PRKG1: variants seen among roughly 807,000 people sequenced by gnomAD.
PRKG1 encodes protein kinase cGMP-dependent 1.
In PRKG1, 35 loss-of-function variants were observed where a neutral mutation model predicts 88.1. The ratio of observed to expected loss-of-function variants is 0.40; its 90% CI spans 0.30 to 0.53. PRKG1 has a LOEUF of 0.53. Among genes scored for constraint, PRKG1 ranks in the 20% least tolerant of loss-of-function variants. The pLI is 0.59. For missense variants in PRKG1, 540 were observed against 839.8 expected, an observed-to-expected ratio of 0.64 and a Z score of 4.41; for synonymous variants, 303 against 292.5, an observed-to-expected ratio of 1.04 and a Z score of -0.37.
At chr10:51,514,869 C>T (rs1316572958) in intron 3 of PRKG1, among the ~76,000 whole-genome samples, 1 of 152,156 alleles carries the variant, frequency 6.6e-6, no homozygotes, top group Admixed American at 6.5e-5. Flanking sequence ...CAGACTTTTA[C>T]ATAAATCTGA....
intron 7 of PRKG1, among the ~76,000 whole-genome samples, chr10:52,118,646 C>T (rs17642500): frequency 0.12 from 17,949 of 151,876 alleles, 1,291 homozygotes; most frequent in Non-Finnish European, 0.16. Context: ...TGACTGTATA[C>T]AGAAGTTTGG....
intron 2 of PRKG1, among the ~76,000 whole-genome samples, chr10:51,309,129 G>C (rs1487979991): frequency 6.6e-6 from 1 of 152,172 alleles, no homozygotes; most frequent in Non-Finnish European, 1.5e-5. Flanking sequence ...AGTTGGTCAA[G>C]TGCAACAAAT....
chr10:52,013,807 G>T (rs140162398), intron 5 of PRKG1, among the ~76,000 whole-genome samples: 6 of 152,264 alleles, frequency 3.9e-5, no homozygotes, highest in African/African-American at 1.4e-4. Context: ...CAGTATGAAG[G>T]ATGCTATTTT....
chr10:51,684,848 C>A (rs1437921385), intron 3 of PRKG1, among the ~76,000 whole-genome samples: 1 of 151,982 alleles, frequency 6.6e-6, no homozygotes, highest in African/African-American at 2.4e-5. Context: ...GCCTGGGTGA[C>A]AGAGAGAGAT....
intron 3 of PRKG1, among the ~76,000 whole-genome samples, chr10:51,670,131 C>T (rs903125520): frequency 3.3e-5 from 5 of 151,916 alleles, no homozygotes; most frequent in African/African-American, 1.2e-4. Context: ...CTCTCCATCT[C>T]TGTTATTTTT....
chr10:50,995,747 T>A (rs1387398605), intron 1 of PRKG1, among the ~76,000 whole-genome samples: 1 of 152,216 alleles, frequency 6.6e-6, no homozygotes, highest in Non-Finnish European at 1.5e-5. Flanking sequence ...AATTTTTTAA[T>A]GAGTTTAAGG....
At chr10:52,062,381 G>T (rs193169567) in intron 6 of PRKG1, among the ~76,000 whole-genome samples, 156 bp from the exon 7 acceptor site, 1 of 152,146 alleles carries the variant, frequency 6.6e-6, no homozygotes, top group Non-Finnish European at 1.5e-5. Flanking sequence ...GGGAATTTGT[G>T]ATGTTGTTCT....
chr10:51,007,877 T>C (rs1842956757), intron 1 of PRKG1, among the ~76,000 whole-genome samples: 1 of 152,244 alleles, frequency 6.6e-6, no homozygotes. Context: ...GGTACTTTAT[T>C]GGCATGAATT....
intron 2 of PRKG1, among the ~76,000 whole-genome samples, chr10:51,277,798 G>T (rs536034335): frequency 7.0e-4 from 107 of 152,310 alleles, no homozygotes; most frequent in African/African-American, 2.6e-3. Flanking sequence ...TTTGCACATT[G>T]ATTTTGTATC....
chr10:51,439,012 TAAAAA>T (rs143701501), intron 2 of PRKG1, among the ~76,000 whole-genome samples: 1 of 150,100 alleles, frequency 6.7e-6, no homozygotes. Flanking sequence ...TTTTTTTTTT[TAAAAA>T]AAAAGAGAAA....
At chr10:51,278,862 T>G (rs1404700549) in intron 2 of PRKG1, among the ~76,000 whole-genome samples, 5 of 152,146 alleles carry the variant, frequency 3.3e-5, no homozygotes, top group African/African-American at 9.7e-5. Context: ...TTATTAGTAT[T>G]GCTAGCGGTC....
rs376225318 is a variant in PRKG1 at position 52,106,319 on chromosome 10, G to C, written c.936-27521G>C. ...TGCCAAATAGAACATAGGACATCCA[G>C]TTAAATTTCAATGTCAGATAAACAG... On this transcript the variant is annotated intron_variant, in intron 7 of 17. Transcript: ENST00000373980. Among the ~76,000 whole-genome samples, 14 of 152,252 alleles carry C rather than the reference G, an allele frequency of 9.2e-5. No homozygotes were observed. The East Asian group carries it at 1.4e-3, about 15-fold the overall frequency.
At chr10:51,316,290 A>C (rs1330881199) in intron 2 of PRKG1, among the ~76,000 whole-genome samples, 1 of 152,238 alleles carries the variant, frequency 6.6e-6, no homozygotes, top group Non-Finnish European at 1.5e-5. Flanking sequence ...TGATAAATCA[A>C]ATGAAAACTG....
intron 1 of PRKG1, among the ~76,000 whole-genome samples, chr10:51,131,775 T>G (rs1367336316): frequency 1.3e-5 from 2 of 152,112 alleles, no homozygotes; most frequent in African/African-American, 4.8e-5. Context: ...TGCCTACAAA[T>G]GTGTGATAAG....
At chr10:51,446,188 T>G (rs1320625188) in intron 2 of PRKG1, among the ~76,000 whole-genome samples, 1 of 151,980 alleles carries the variant, frequency 6.6e-6, no homozygotes, top group Non-Finnish European at 1.5e-5. Flanking sequence ...AAATCTGCTA[T>G]TGAAAGTCAG....
At chr10:51,670,133 G>T (rs968907011) in intron 3 of PRKG1, among the ~76,000 whole-genome samples, 6 of 151,882 alleles carry the variant, frequency 4.0e-5, no homozygotes, top group Middle Eastern at 6.8e-3. Flanking sequence ...CTCCATCTCT[G>T]TTATTTTTGT....
At chr10:51,072,038 A>G (rs1214768807), upstream of PRKG1, among the ~76,000 whole-genome samples, 1 of 152,202 alleles carries the variant, frequency 6.6e-6, no homozygotes. Flanking sequence ...TCTACTAAAA[A>G]TACAAAAACT....
At chr10:51,387,257 C>G (rs1837275963) in intron 2 of PRKG1, among the ~76,000 whole-genome samples, 1 of 151,034 alleles carries the variant, frequency 6.6e-6, no homozygotes, top group Non-Finnish European at 1.5e-5. Context: ...GGGGTCTGCA[C>G]TTGGTTTAAT....
At chr10:51,586,225 T>TGTTC (rs1385116703) in intron 3 of PRKG1, among the ~76,000 whole-genome samples, 1 of 152,204 alleles carries the variant, frequency 6.6e-6, no homozygotes, top group Admixed American at 6.5e-5. Flanking sequence ...CATTCATCTT[T>TGTTC]AATTTGTTCA....
Sources: gnomAD v4.1 joint callset for allele counts (sites outside exome capture counted in the v4.1 genomes callset) on GRCh38, gnomAD v4.1.1 for gene constraint, MANE v1.5 for transcripts, NCBI Gene and HGNC (gene_info 2026-07-23, HGNC 2026-07-21) for gene names.